Variants in UMAD1 observed in about 807,000 individuals in gnomAD.
UMAD1 encodes UBAP1-MVB12-associated (UMA)-domain containing protein 1.
In UMAD1, 8 loss-of-function variants were observed where a neutral mutation model predicts 6.1. The observed-to-expected ratio is 1.30, with a 90% CI of 0.76 to 2.35. The LOEUF (loss-of-function observed/expected upper bound fraction) is 2.35. Ranked by LOEUF, UMAD1 falls within the 30% of genes most tolerant of loss-of-function variation. The probability of loss-of-function intolerance (pLI) is 0.00; values close to 1 mark genes in which losing one functional copy is unlikely to be tolerated. For missense variants in UMAD1, 130 were observed against 78.4 expected (o/e 1.66, Z -2.49); for synonymous variants, 56 against 31.4 (o/e 1.78, Z -2.61).
At chr7:7,689,116 C>G (rs1218479713) in intron 2 of UMAD1, among the ~76,000 whole-genome samples, 1 of 152,144 alleles carries the variant, frequency 6.6e-6, no homozygotes, top group Non-Finnish European at 1.5e-5. Flanking sequence ...AGTCAGTGCT[C>G]ATTTGCCTAA....
intron 2 of UMAD1, among the ~76,000 whole-genome samples, chr7:7,680,870 T>C (rs573084538): frequency 3.3e-5 from 5 of 152,248 alleles, no homozygotes; most frequent in Admixed American, 6.5e-5. Flanking sequence ...AAAAATGCTA[T>C]TGATTTTTGT....
At chr7:7,800,441 A>T (rs1386915107) in intron 2 of UMAD1, among the ~76,000 whole-genome samples, 1 of 151,984 alleles carries the variant, frequency 6.6e-6, no homozygotes, top group Non-Finnish European at 1.5e-5. Flanking sequence ...TACTTTAATC[A>T]CTTTTTTTTT....
intron 2 of UMAD1, among the ~76,000 whole-genome samples, chr7:7,764,685 A>G (rs967050050): frequency 5.9e-5 from 9 of 152,218 alleles, no homozygotes; most frequent in African/African-American, 1.7e-4. Context: ...CAATGAGGTC[A>G]TATTTTTAAT....
intron 3 of UMAD1, among the ~76,000 whole-genome samples, chr7:7,802,493 G>C (rs1199661960): frequency 6.6e-6 from 1 of 152,120 alleles, no homozygotes; most frequent in East Asian, 1.9e-4. Flanking sequence ...TTTCACATGA[G>C]AAAACTATTT....
At chr7:7,809,226 T>C (rs1427823342) in intron 3 of UMAD1, among the ~76,000 whole-genome samples, 1 of 151,970 alleles carries the variant, frequency 6.6e-6, no homozygotes, top group African/African-American at 2.4e-5. Flanking sequence ...ATTCAGGTAA[T>C]TTCAAACACA....
intron 2 of UMAD1, among the ~76,000 whole-genome samples, chr7:7,731,485 C>CCCCA (rs1781253731): frequency 7.0e-6 from 1 of 143,180 alleles, no homozygotes; most frequent in African/African-American, 2.7e-5. Flanking sequence ...ACAAACAACC[C>CCCCA]CCCCCCAAAA....
intron 2 of UMAD1, among the ~76,000 whole-genome samples, chr7:7,683,964 A>C (rs1779978086): frequency 6.6e-6 from 1 of 152,172 alleles, no homozygotes; most frequent in Non-Finnish European, 1.5e-5. Context: ...TTCCCTTGGT[A>C]TCTGTGGGAA....
intron 1 of UMAD1, among the ~76,000 whole-genome samples, chr7:7,659,400 G>C (rs1785420749): frequency 6.6e-6 from 1 of 152,076 alleles, no homozygotes; most frequent in Non-Finnish European, 1.5e-5. Flanking sequence ...TGACGTTAGG[G>C]TGTCGATTTT....
chr7:7,819,212 T>C (rs1210360510), intron 3 of UMAD1, among the ~76,000 whole-genome samples: 1 of 152,164 alleles, frequency 6.6e-6, no homozygotes, highest in Admixed American at 6.5e-5. Context: ...TTTAGCCCCA[T>C]AGTACAGGAC....
intron 2 of UMAD1, chr7:7,676,343 T>TGATA (rs1204333737): frequency 2.3e-4 from 90 of 391,620 alleles, no homozygotes; most frequent in African/African-American, 1.8e-3. Flanking sequence ...GTGAGTGAGG[T>TGATA]AGTACTATTA....
chr7:7,859,685 A>G (rs1234243483), intron 3 of UMAD1, among the ~76,000 whole-genome samples: 2 of 152,180 alleles, frequency 1.3e-5, no homozygotes, highest in African/African-American at 2.4e-5. Context: ...ACTTGAGACC[A>G]GTGCTCTTTC....
chr7:7,837,724 T>C (rs1326679585), intron 3 of UMAD1, among the ~76,000 whole-genome samples: 2 of 148,510 alleles, frequency 1.3e-5, no homozygotes, highest in Non-Finnish European at 3.0e-5. Context: ...TGTGAATATA[T>C]CAGTTACTAT....
Position 7,764,231 on chromosome 7 carries a change from A to G in UMAD1, c.83-37439A>G, listed in dbSNP as rs761720141. Among the ~76,000 whole-genome samples, 5 of 152,190 alleles carry G rather than the reference A, an allele frequency of 3.3e-5. No individual in the cohort carries two copies. The East Asian group carries it at 9.6e-4, about 29-fold the overall frequency. ...TCATTACAATAAAGCAGGGAAGCAG[A>G]AATCTCTTACAAATGTCAGTGTTAA... is the stretch of plus-strand genomic sequence containing the variant. On this transcript the variant is annotated intron_variant, in intron 2 of 3. Coordinates refer to ENST00000682710, the MANE Select transcript of UMAD1 (RefSeq NM_001302348.2).
intron 1 of UMAD1, 80 bp from the exon 2 acceptor site, chr7:7,673,229 T>G: frequency 1.2e-6 from 1 of 867,452 alleles, no homozygotes; most frequent in Non-Finnish European, 1.9e-6. Flanking sequence ...GTTATATCGT[T>G]ATGCTGAACT....
intron 2 of UMAD1, among the ~76,000 whole-genome samples, chr7:7,724,526 T>G (rs974262141): frequency 1.3e-5 from 2 of 152,078 alleles, no homozygotes; most frequent in African/African-American, 2.4e-5. Flanking sequence ...AAAAACAGTA[T>G]CACATCCCTG....
chr7:7,701,432 A>G (rs904350042), intron 2 of UMAD1, among the ~76,000 whole-genome samples: 3 of 152,184 alleles, frequency 2.0e-5, no homozygotes, highest in Non-Finnish European at 4.4e-5. Context: ...TAATACTGGA[A>G]CTGTCCTGCT....
At chr7:7,761,010 G>C (rs1253721965) in intron 2 of UMAD1, among the ~76,000 whole-genome samples, 1 of 152,138 alleles carries the variant, frequency 6.6e-6, no homozygotes, top group African/African-American at 2.4e-5. Flanking sequence ...CTGGAAAATA[G>C]ATAGGAAATA....
chr7:7,761,508 CTTT>C (rs1392615368), intron 2 of UMAD1, among the ~76,000 whole-genome samples: 1 of 152,226 alleles, frequency 6.6e-6, no homozygotes, highest in African/African-American at 2.4e-5. Flanking sequence ...TGCTCCTCTC[CTTT>C]TCACATCCTT....
At chr7:7,677,742 C>A (rs1218786670) in intron 2 of UMAD1, among the ~76,000 whole-genome samples, 1 of 135,876 alleles carries the variant, frequency 7.4e-6, no homozygotes, top group East Asian at 2.1e-4. Flanking sequence ...GGCGGGATCT[C>A]GGCTCACTGC....
Sources: gnomAD v4.1 joint callset for allele counts (sites outside exome capture counted in the v4.1 genomes callset) on GRCh38, gnomAD v4.1.1 for gene constraint, MANE v1.5 for transcripts, NCBI Gene and HGNC (gene_info 2026-07-23, HGNC 2026-07-21) for gene names.